The following MPPED2 variants were observed in gnomAD, a reference collection of about 807,000 sequenced individuals.
MPPED2 encodes metallophosphoesterase domain containing 2.
In MPPED2, 5 loss-of-function variants were observed where a neutral mutation model predicts 33.0. That is an observed-to-expected ratio of 0.15 (90% CI 0.08 to 0.32). The LOEUF (loss-of-function observed/expected upper bound fraction) is 0.32, where lower values mean the gene tolerates loss of function less well. MPPED2 is among the 10% of genes least tolerant of loss of function. The pLI is 1.00. For missense variants in MPPED2, 275 were observed against 372.1 expected, an observed-to-expected ratio of 0.74 and a Z score of 2.15; for synonymous variants, 136 against 141.9, an observed-to-expected ratio of 0.96 and a Z score of 0.29.
chr11:30,583,285 AT>A (rs1263323323), intron 1 of MPPED2, among the ~76,000 whole-genome samples: 1 of 151,998 alleles, frequency 6.6e-6, no homozygotes, highest in East Asian at 1.9e-4. Context: ...GAAGATGTAT[AT>A]TTAGGCAGTA....
At chr11:30,444,676 C>T (rs974888877) in intron 4 of MPPED2, among the ~76,000 whole-genome samples, 2 of 152,090 alleles carry the variant, frequency 1.3e-5, no homozygotes, top group East Asian at 1.9e-4. Context: ...CTCCTTTCTA[C>T]GTTATTTTTT....
At chr11:30,390,433 G>C (rs1278136554) in intron 6 of MPPED2, among the ~76,000 whole-genome samples, 2 of 152,208 alleles carry the variant, frequency 1.3e-5, no homozygotes, top group African/African-American at 4.8e-5. Context: ...CTAATAGTCT[G>C]GGTATCCACT....
chr11:30,482,553 TTAAC>T (rs1299266103), intron 4 of MPPED2, among the ~76,000 whole-genome samples: 4 of 152,192 alleles, frequency 2.6e-5, no homozygotes, highest in Non-Finnish European at 5.9e-5. Flanking sequence ...TTTTCTATAT[TTAAC>T]TATTTCCCTT....
chr11:30,511,037 T>A (rs907348795), intron 3 of MPPED2, among the ~76,000 whole-genome samples: 1 of 152,232 alleles, frequency 6.6e-6, no homozygotes, highest in Non-Finnish European at 1.5e-5. Flanking sequence ...ATGTTTTGGC[T>A]CATTTCAAGG....
downstream of MPPED2, among the ~76,000 whole-genome samples, chr11:30,405,670 C>T (rs573578459): frequency 1.3e-5 from 2 of 152,316 alleles, no homozygotes; most frequent in East Asian, 3.9e-4. Flanking sequence ...TGGTTTCTTA[C>T]ACAGTCCAGT....
At chr11:30,493,664 A>AT (rs5790819) in intron 4 of MPPED2, among the ~76,000 whole-genome samples, 28,686 of 150,488 alleles carry the variant, frequency 0.19, 2,784 homozygotes, top group East Asian at 0.27. Context: ...CATTTTAAAG[A>AT]TAAAAAAAAA....
At chr11:30,444,432 C>T (rs1422846871) in intron 4 of MPPED2, among the ~76,000 whole-genome samples, 1 of 150,994 alleles carries the variant, frequency 6.6e-6, no homozygotes, top group African/African-American at 2.4e-5. Flanking sequence ...TACTCTCAAA[C>T]ACACAGAACA....
intron 3 of MPPED2, among the ~76,000 whole-genome samples, chr11:30,526,896 T>G (rs1954219996): frequency 6.6e-6 from 1 of 151,938 alleles, no homozygotes. Context: ...TCTATTTTTT[T>G]TTATTTTTTT....
At chr11:30,544,058 A>G (rs1390781930) in intron 2 of MPPED2, among the ~76,000 whole-genome samples, 1 of 152,162 alleles carries the variant, frequency 6.6e-6, no homozygotes. Context: ...ACAAAAGTAC[A>G]GTGCCGACAT....
At chr11:30,465,785 A>G (rs1216617160) in intron 4 of MPPED2, among the ~76,000 whole-genome samples, 2 of 152,198 alleles carry the variant, frequency 1.3e-5, no homozygotes, top group African/African-American at 4.8e-5. Flanking sequence ...TTTTTCAACC[A>G]CACACAGACT....
chr11:30,414,870 G>T (rs1418695246), intron 5 of MPPED2, among the ~76,000 whole-genome samples: 2 of 152,102 alleles, frequency 1.3e-5, no homozygotes, highest in African/African-American at 4.8e-5. Flanking sequence ...TGCTCCTGTG[G>T]TCCTGTCCTC....
chr11:30,403,089 C>CA (rs978894530), intron 6 of MPPED2, among the ~76,000 whole-genome samples: 21 of 151,512 alleles, frequency 1.4e-4, no homozygotes, highest in African/African-American at 3.9e-4. Context: ...ACTAAAAATA[C>CA]AAAAAAAATT....
At chr11:30,487,766 G>A (rs138265543) in intron 4 of MPPED2, among the ~76,000 whole-genome samples, 211 of 152,168 alleles carry the variant, frequency 1.4e-3, no homozygotes, top group Non-Finnish European at 2.5e-3. Context: ...ACAAGTCACT[G>A]CACCTGGCCA....
intron 4 of MPPED2, among the ~76,000 whole-genome samples, chr11:30,493,198 C>T (rs1952066375): frequency 1.3e-5 from 2 of 151,856 alleles, no homozygotes; most frequent in Admixed American, 6.6e-5. Context: ...GGTGAAACCC[C>T]GTCTCTACTA....
intron 4 of MPPED2, among the ~76,000 whole-genome samples, chr11:30,420,478 T>C (rs1404978770): frequency 6.6e-6 from 1 of 152,254 alleles, no homozygotes; most frequent in Non-Finnish European, 1.5e-5. Context: ...TAGAAGCTAC[T>C]AAAGTTGCTG....
At chr11:30,554,604 CCTCA>C (rs10566726) in intron 2 of MPPED2, among the ~76,000 whole-genome samples, 150,847 of 152,158 alleles carry the variant, frequency 0.99, 74,773 homozygotes, top group East Asian at 1. Flanking sequence ...GATTCTCGTG[CCTCA>C]CTCAGCCTCC....
intron 4 of MPPED2, among the ~76,000 whole-genome samples, chr11:30,448,907 G>A (rs1949930400): frequency 6.6e-6 from 1 of 151,612 alleles, no homozygotes; most frequent in South Asian, 2.1e-4. Flanking sequence ...GCCTGCCTCG[G>A]CCTCCCAAAG....
chr11:30,414,118 G>T, intron 6 of MPPED2, 110 bp downstream of exon 6: 1 of 692,694 alleles, frequency 1.4e-6, no homozygotes. Flanking sequence ...CTTATAAAAG[G>T]GTCCCGCTGC....
At chr11:30,401,668 G>A (rs917384518) in intron 6 of MPPED2, among the ~76,000 whole-genome samples, 3 of 152,084 alleles carry the variant, frequency 2.0e-5, no homozygotes, top group Admixed American at 1.3e-4. Flanking sequence ...TGATGAAAGG[G>A]AACTACATAA....
Sources: gnomAD v4.1 joint callset for allele counts (sites outside exome capture counted in the v4.1 genomes callset) on GRCh38, gnomAD v4.1.1 for gene constraint, MANE v1.5 for transcripts, NCBI Gene and HGNC (gene_info 2026-07-23, HGNC 2026-07-21) for gene names.